EED: variants seen among roughly 807,000 people sequenced by gnomAD.
EED encodes embryonic ectoderm development, also known as polycomb protein EED.
In EED, 9 loss-of-function variants were observed where a neutral mutation model predicts 61.0. That is an observed-to-expected ratio of 0.15 (90% CI 0.09 to 0.26). The LOEUF (loss-of-function observed/expected upper bound fraction) is 0.26. Ranked by LOEUF, EED falls within the 10% of genes least tolerant of loss-of-function variation. The pLI is 1.00. For missense variants in EED, 315 were observed against 542.3 expected, an observed-to-expected ratio of 0.58 and a Z score of 4.16; for synonymous variants, 187 against 174.4, an observed-to-expected ratio of 1.07 and a Z score of -0.57.
downstream of EED, among the ~76,000 whole-genome samples, chr11:86,279,732 T>G (rs1267130514): frequency 6.6e-6 from 1 of 152,266 alleles, no homozygotes; most frequent in Non-Finnish European, 1.5e-5. Flanking sequence ...TGCCCCTTTT[T>G]GAGCTATCTC....
At chr11:86,270,023 A>T in intron 9 of EED, 1 of 654,322 alleles carries the variant, frequency 1.5e-6, no homozygotes, top group Middle Eastern at 2.8e-4. Context: ...TAGGAGGGCA[A>T]TTGCTGGGTT....
chr11:86,253,054 G>A (rs1322925489), intron 3 of EED, among the ~76,000 whole-genome samples: 5 of 152,114 alleles, frequency 3.3e-5, no homozygotes, highest in African/African-American at 1.2e-4. Context: ...AGCCTTTTAA[G>A]GAAATTTTAT....
chr11:86,262,117 A>G (rs1945845924), intron 6 of EED, among the ~76,000 whole-genome samples: 1 of 152,138 alleles, frequency 6.6e-6, no homozygotes, highest in Admixed American at 6.5e-5. Flanking sequence ...TCTGGGCTCA[A>G]ATGATCCTTC....
rs1442416204 is a variant in EED at position 86,278,640 on chromosome 11, C to G, written c.*115C>G. The G allele has an allele frequency of 4.4e-6, 6 of 1,351,698 alleles. No homozygotes were observed. Among genetic ancestry groups the G allele is most frequent in the Non-Finnish European group, 6.0e-6 (6 of 995,178 alleles). The allele number at this position is 1,351,698 out of a possible 1,614,324, so 83.7% of individuals were successfully genotyped here. A position where few individuals can be genotyped will look rare whatever the true frequency, so the allele number is the denominator to read the frequency against. On this transcript the variant is annotated 3_prime_UTR_variant, in exon 12 of 12. Coordinates refer to ENST00000263360, the MANE Select transcript of EED (RefSeq NM_003797.5). ...TTAGAGTTGTCTTTCAGCATTCAATCAGGCTGAGCTGAATGTAGTGATGTT... is the reference window on the plus strand; with the variant it reads ...TTAGAGTTGTCTTTCAGCATTCAATGAGGCTGAGCTGAATGTAGTGATGTT...
At chr11:86,284,980 A>C in the EED span, among the ~76,000 whole-genome samples, 1 of 152,148 alleles carries the variant, frequency 6.6e-6, no homozygotes, top group Non-Finnish European at 1.5e-5. Context: ...GCATGATGGC[A>C]TGTGCCTGTA....
the EED span, among the ~76,000 whole-genome samples, chr11:86,285,160 C>T: frequency 3.3e-5 from 5 of 152,092 alleles, no homozygotes; most frequent in Non-Finnish European, 7.4e-5. Flanking sequence ...TGGTTCATGC[C>T]TGTAATCGCA....
At chr11:86,275,989 T>C (rs1475800610) in intron 9 of EED, 1 of 152,214 alleles carries the variant, frequency 6.6e-6, no homozygotes, top group Non-Finnish European at 1.5e-5. Context: ...CACCTGTCAC[T>C]ATATTATGTA....
chr11:86,257,875 A>G (rs1376821386), intron 6 of EED, among the ~76,000 whole-genome samples: 1 of 152,206 alleles, frequency 6.6e-6, no homozygotes, highest in African/African-American at 2.4e-5. Flanking sequence ...CAAAACAATT[A>G]TGTAATCCTT....
intron 8 of EED, among the ~76,000 whole-genome samples, chr11:86,267,404 T>C (rs1946006362): frequency 1.3e-5 from 2 of 152,210 alleles, no homozygotes; most frequent in Admixed American, 1.3e-4. Flanking sequence ...AACTAATTCA[T>C]GGCATATTAT....
intron 9 of EED, among the ~76,000 whole-genome samples, chr11:86,271,990 C>G (rs1173893501): frequency 1.1e-5 from 1 of 88,300 alleles, no homozygotes; most frequent in Admixed American, 1.3e-4. Flanking sequence ...GTAATACTGA[C>G]TTTATAATGA....
intron 3 of EED, among the ~76,000 whole-genome samples, chr11:86,253,092 AC>A (rs1415379941): frequency 6.6e-6 from 1 of 152,208 alleles, no homozygotes; most frequent in Non-Finnish European, 1.5e-5. Flanking sequence ...TAGGCCTTTT[AC>A]TATTTGACAA....
At chr11:86,281,210 G>A (rs1166252029), downstream of EED, among the ~76,000 whole-genome samples, 2 of 152,158 alleles carry the variant, frequency 1.3e-5, no homozygotes, top group Non-Finnish European at 2.9e-5. Context: ...TCATTTTTGG[G>A]AAGAATGTGA....
Position 86,250,423 on chromosome 11 carries a change from CT to C in EED, c.245del (p.Phe82SerfsTer4). The C allele has an allele frequency of 6.2e-7, 1 of 1,605,912 alleles. No homozygotes were observed. The highest frequency in any genetic ancestry group is 8.5e-7 in the Non-Finnish European group (1 of 1,176,584). ...TGGAAGTCAAAGAAATGCAAATATT[CT>C]TTCAAATGTGTAAATAGTCTCAAGG... ...GKWKSKKCKY[S>X]FKCVNSLKED... On this transcript the variant is annotated frameshift_variant, in exon 2 of 12. Transcript: ENST00000263360. LOFTEE classifies it high-confidence loss of function.
At chr11:86,258,806 T>G (rs1945753179) in intron 6 of EED, among the ~76,000 whole-genome samples, 1 of 152,074 alleles carries the variant, frequency 6.6e-6, no homozygotes, top group Admixed American at 6.6e-5. Flanking sequence ...TCCGCCTGTC[T>G]CAGCCTCCTA....
chr11:86,247,659 G>C (rs1319366921), intron 1 of EED, among the ~76,000 whole-genome samples: 2 of 152,172 alleles, frequency 1.3e-5, no homozygotes, highest in African/African-American at 4.8e-5. Flanking sequence ...CAAGCCTTCT[G>C]AATTTCATCC....
At chr11:86,268,615 G>GTGTGTGTT (rs1323024916) in intron 9 of EED, 54 bp downstream of exon 9, 3 of 1,203,240 alleles carry the variant, frequency 2.5e-6, no homozygotes, top group Non-Finnish European at 3.5e-6. Flanking sequence ...GTGTGTGTGT[G>GTGTGTGTT]TGTGTGTGTG....
chr11:86,264,145 C>T (rs370092867), intron 6 of EED, 27 bp from the exon 7 acceptor site: 49 of 1,549,602 alleles, frequency 3.2e-5, no homozygotes, highest in African/African-American at 6.8e-5. Flanking sequence ...AAAAAACATT[C>T]GCCTAATTTT....
At chr11:86,280,676 G>A (rs1946313434), downstream of EED, among the ~76,000 whole-genome samples, 1 of 152,182 alleles carries the variant, frequency 6.6e-6, no homozygotes, top group Non-Finnish European at 1.5e-5. Flanking sequence ...AGGGTACAAT[G>A]TGATGCTTCA....
At chr11:86,262,650 A>G (rs941918980) in intron 6 of EED, among the ~76,000 whole-genome samples, 3 of 152,032 alleles carry the variant, frequency 2.0e-5, no homozygotes, top group Non-Finnish European at 4.4e-5. Flanking sequence ...AGCTGGGACT[A>G]CAGGCACATG....
Sources: gnomAD v4.1 joint callset for allele counts (sites outside exome capture counted in the v4.1 genomes callset) on GRCh38, gnomAD v4.1.1 for gene constraint, MANE v1.5 for transcripts, NCBI Gene and HGNC (gene_info 2026-07-23, HGNC 2026-07-21) for gene names.